LRRIQ1: variants seen among roughly 807,000 people sequenced by gnomAD.
LRRIQ1 encodes the protein leucine rich repeats and IQ motif containing 1.
A neutral mutation model predicts 211.9 loss-of-function variants in LRRIQ1; 210 were observed. That is an observed-to-expected ratio of 0.99 (90% CI 0.89 to 1.11). The LOEUF (loss-of-function observed/expected upper bound fraction) is 1.11. Among genes scored for constraint, LRRIQ1 ranks in the 50% most tolerant of loss-of-function variants. The pLI is 0.00. For synonymous variants in LRRIQ1, 699 were observed against 650.1 expected, an observed-to-expected ratio of 1.08 and a Z score of -1.14; for missense variants, 2,136 against 1,939.5, an observed-to-expected ratio of 1.10 and a Z score of -1.90.
chr12:85,054,402 T>C (rs1375621823), intron 7 of LRRIQ1, among the ~76,000 whole-genome samples: 1 of 152,148 alleles, frequency 6.6e-6, no homozygotes, highest in Non-Finnish European at 1.5e-5. Flanking sequence ...GTCTGAAATA[T>C]TGCTAGCATC....
intron 17 of LRRIQ1, chr12:85,124,916 T>C (rs999029989): frequency 3.3e-5 from 7 of 211,592 alleles, no homozygotes; most frequent in East Asian, 3.2e-4. Flanking sequence ...CGGTGGCTCA[T>C]GCCTGTAATC....
chr12:85,239,465 A>G (rs1019405011), intron 26 of LRRIQ1, among the ~76,000 whole-genome samples: 31 of 151,298 alleles, frequency 2.0e-4, no homozygotes, highest in African/African-American at 6.9e-4. Context: ...ATCAATGGAA[A>G]GTATAGGGAG....
chr12:85,260,901 A>G lies in LRRIQ1; in HGVS notation c.122-2014A>G, dbSNP rs117099431. ...ATGCATTTTAGGCCAATAGTTTATC[A>G]TCTAAGAAACTCTTGCTTCTATGCT... is the stretch of plus-strand genomic sequence containing the variant. On this transcript the variant is annotated intron_variant, in intron 1 of 1. Coordinates refer to the LRRIQ1 transcript ENST00000602731. 1.6e-3 allele frequency among the ~76,000 whole-genome samples: 250 copies of G among 152,316 alleles called. 3 individuals carry two copies. The highest frequency in any genetic ancestry group is 3.0e-3 in the Non-Finnish European group (206 of 68,014).
chr12:85,085,448 G>A (rs537624613), intron 11 of LRRIQ1, among the ~76,000 whole-genome samples: 2 of 152,304 alleles, frequency 1.3e-5, no homozygotes, highest in Non-Finnish European at 2.9e-5. Context: ...GGGACAGAAA[G>A]CCTAACCATA....
At chr12:85,210,028 A>T (rs1392574548) in intron 24 of LRRIQ1, among the ~76,000 whole-genome samples, 1 of 152,186 alleles carries the variant, frequency 6.6e-6, no homozygotes, top group Non-Finnish European at 1.5e-5. Flanking sequence ...AGCTATAATA[A>T]ATAATGCAGA....
At chr12:85,220,160 C>A (rs996207705) in intron 24 of LRRIQ1, among the ~76,000 whole-genome samples, 7 of 152,078 alleles carry the variant, frequency 4.6e-5, no homozygotes, top group Admixed American at 3.9e-4. Context: ...AAGTGTTTTT[C>A]TGAGCCACAA....
rs766786715 is a variant in LRRIQ1, at chr12:85,055,777, A to G, written c.984A>G (p.Ile328Met). Reference sequence around the variant, plus strand: ...AGTGGAAGGAAAAGGAAGCAAAAATACGACAAAAGGAGGAAGAAAATCGAA... The same window carrying G: ...AGTGGAAGGAAAAGGAAGCAAAAATGCGACAAAAGGAGGAAGAAAATCGAA... Reference protein sequence around the residue: ...AQEWKEKEAKIRQKEEENRKR... With the variant: ...AQEWKEKEAKMRQKEEENRKR... Residue 328 changes from isoleucine to methionine, a missense_variant, in exon 8 of 27, where the codon ATA becomes ATG. Coordinates refer to ENST00000393217, the MANE Select transcript of LRRIQ1 (RefSeq NM_001079910.2). 4 of 1,606,274 alleles carry G rather than the reference A, an allele frequency of 2.5e-6. No homozygotes were observed. Among genetic ancestry groups the G allele is most frequent in the South Asian group, 2.2e-5 (2 of 90,442 alleles).
intron 24 of LRRIQ1, among the ~76,000 whole-genome samples, chr12:85,180,683 G>A (rs1165945162): frequency 1.3e-5 from 2 of 151,922 alleles, no homozygotes; most frequent in African/African-American, 4.8e-5. Flanking sequence ...GAATTAGTAT[G>A]TGTAAAATGC....
intron 19 of LRRIQ1, among the ~76,000 whole-genome samples, chr12:85,143,304 AT>A (rs1267844377): frequency 2.6e-5 from 4 of 151,284 alleles, no homozygotes; most frequent in African/African-American, 9.7e-5. Flanking sequence ...CAGTTGATTG[AT>A]TTGTTGTTTG....
rs374422678 is a variant in LRRIQ1, at chr12:85,066,892, C to T, written c.2689C>T (p.Arg897Ter). 2.7e-6 allele frequency: 4 copies of T among 1,478,698 alleles called. No individual in the cohort carries two copies. Among genetic ancestry groups the T allele is most frequent in the African/African-American group, 2.8e-5 (2 of 70,670 alleles). 91.6% of individuals were successfully genotyped at this position (1,478,698 alleles called of 1,614,324 possible). Reference sequence around the variant, plus strand: ...TGAACTTTCATATAATAAAATTACTCGAATTGGTAAGAACAATGAAATTTT... The same window carrying T: ...TGAACTTTCATATAATAAAATTACTTGAATTGGTAAGAACAATGAAATTTT... ...CLELSYNKIT[R>*]IGYSFFLEEK... Residue 897 changes from arginine to a stop codon, truncating the protein, a stop_gained, in exon 10 of 27, where the codon CGA (arginine) becomes TGA (stop). Transcript: ENST00000393217. LOFTEE classifies it high-confidence loss of function.
At chr12:85,081,723 C>CTTTTTTTTTTTTTTTTTTTTT (rs766961193) in intron 11 of LRRIQ1, among the ~76,000 whole-genome samples, 34 of 113,440 alleles carry the variant, frequency 3.0e-4, no homozygotes, top group East Asian at 5.0e-4. Context: ...TCTTCTTCTT[C>CTTTTTTTTTTTTTTTTTTTTT]TTTTTTTTTT....
intron 19 of LRRIQ1, among the ~76,000 whole-genome samples, chr12:85,147,339 A>G (rs1390082159): frequency 6.6e-6 from 1 of 151,802 alleles, no homozygotes; most frequent in Non-Finnish European, 1.5e-5. Flanking sequence ...AGTCTGATAT[A>G]AAAAGTAGGT....
chr12:85,175,498 A>G (rs1320002420), intron 24 of LRRIQ1, among the ~76,000 whole-genome samples: 1 of 152,176 alleles, frequency 6.6e-6, no homozygotes, highest in Non-Finnish European at 1.5e-5. Context: ...AAAAGCAAAG[A>G]AGGGTTTCTA....
downstream of LRRIQ1, among the ~76,000 whole-genome samples, chr12:85,269,101 T>C (rs886879097): frequency 7.9e-5 from 12 of 151,862 alleles, no homozygotes; most frequent in Non-Finnish European, 1.8e-4. Flanking sequence ...ATCCAGGTAA[T>C]GGAGAGTAGA....
chr12:85,156,094 TATA>T (rs1179512621), intron 23 of LRRIQ1, among the ~76,000 whole-genome samples: 1 of 151,754 alleles, frequency 6.6e-6, no homozygotes, highest in Admixed American at 6.6e-5. Flanking sequence ...ATGGCAATTG[TATA>T]ATATTTATGG....
At chr12:85,178,272 A>G (rs577079034) in intron 24 of LRRIQ1, among the ~76,000 whole-genome samples, 55 of 152,028 alleles carry the variant, frequency 3.6e-4, no homozygotes, top group Non-Finnish European at 7.1e-4. Flanking sequence ...TCCATCATCT[A>G]CCTTAGTTTG....
At chr12:85,083,206 C>T (rs1022404673) in intron 11 of LRRIQ1, among the ~76,000 whole-genome samples, 9 of 152,080 alleles carry the variant, frequency 5.9e-5, no homozygotes, top group African/African-American at 2.2e-4. Flanking sequence ...AATGGATTGT[C>T]ATATTCATCA....
chr12:85,236,890 A>C (rs2137230923), intron 26 of LRRIQ1, among the ~76,000 whole-genome samples: 1 of 136,832 alleles, frequency 7.3e-6, no homozygotes, highest in East Asian at 2.2e-4. Context: ...GCCATCAAAG[A>C]ATATATACCA....
chr12:85,248,007 T>C (rs1895781660), downstream of LRRIQ1, among the ~76,000 whole-genome samples: 1 of 151,712 alleles, frequency 6.6e-6, no homozygotes, highest in Non-Finnish European at 1.5e-5. Context: ...ATTCAAAAAT[T>C]ATCATTTATA....
Sources: allele counts gnomAD v4.1 joint callset (sites outside exome capture counted in the v4.1 genomes callset), GRCh38; gene constraint gnomAD v4.1.1; transcripts MANE v1.5; gene names NCBI Gene and HGNC (gene_info 2026-07-23, HGNC 2026-07-21).